Variants in KDM4B observed in about 807,000 individuals in gnomAD.
KDM4B encodes lysine-specific demethylase 4B.
KDM4B carries 32 observed loss-of-function variants against 125.2 expected under a neutral mutation model. That is an observed-to-expected ratio of 0.26 (90% CI 0.19 to 0.34). The LOEUF (loss-of-function observed/expected upper bound fraction) is 0.34. Ranked by LOEUF, KDM4B falls within the 10% of genes least tolerant of loss-of-function variation. The pLI is 1.00. For missense variants in KDM4B, 1,190 were observed against 1,577.7 expected, an observed-to-expected ratio of 0.75 and a Z score of 4.16; for synonymous variants, 721 against 677.9, an observed-to-expected ratio of 1.06 and a Z score of -0.99.
Position 5,090,449 on chromosome 19 carries a change from CCCCT to C in KDM4B, c.918+7947_918+7950del, listed in dbSNP as rs1180344738. On this transcript the variant is annotated intron_variant, in intron 9 of 22. Coordinates refer to ENST00000159111, the MANE Select transcript of KDM4B (RefSeq NM_015015.3). Reference sequence around the variant, plus strand: ...GTCTCTCTCTCCCCCATCTCTCTTCCCCCTCTCTCTCCGCCTCTTTCTCTCCCCC... The same window carrying C: ...GTCTCTCTCTCCCCCATCTCTCTTCCCTCTCTCCGCCTCTTTCTCTCCCCC... 5.7e-4 allele frequency among the ~76,000 whole-genome samples: 35 copies of C among 61,276 alleles called. 1 individual carries two copies. The South Asian group carries it at 0.022, about 39-fold the overall frequency. The allele number at this position is 61,276 out of a possible 152,430, so 40.2% of individuals were successfully genotyped here.
At chr19:5,089,804 A>T (rs191388107) in intron 9 of KDM4B, among the ~76,000 whole-genome samples, 35 of 151,262 alleles carry the variant, frequency 2.3e-4, no homozygotes, top group Admixed American at 5.9e-4. Context: ...TTGAGCAAGC[A>T]CCCCACAGTT....
At chr19:5,002,850 C>G (rs1248166527) in intron 1 of KDM4B, among the ~76,000 whole-genome samples, 1 of 152,048 alleles carries the variant, frequency 6.6e-6, no homozygotes, top group Non-Finnish European at 1.5e-5. Context: ...ACTCAGGAGG[C>G]TGAGGTGGGA....
intron 6 of KDM4B, among the ~76,000 whole-genome samples, chr19:5,069,508 C>A (rs902828351): frequency 1.3e-5 from 2 of 151,820 alleles, no homozygotes; most frequent in African/African-American, 4.8e-5. Flanking sequence ...CGGGGTTTCA[C>A]CATGTTGGTC....
chr19:5,128,396 T>G (rs1320721702), intron 11 of KDM4B, among the ~76,000 whole-genome samples: 1 of 151,626 alleles, frequency 6.6e-6, no homozygotes, highest in Non-Finnish European at 1.5e-5. Context: ...CCCCTGCCCT[T>G]GAAGTTGAAC....
At chr19:5,088,727 A>G (rs909848700) in intron 9 of KDM4B, among the ~76,000 whole-genome samples, 2 of 133,986 alleles carry the variant, frequency 1.5e-5, no homozygotes, top group Admixed American at 8.4e-5. Flanking sequence ...GGAGATTTTG[A>G]CATCCTCAAG....
At chr19:4,985,990 G>A (rs1324612204) in intron 1 of KDM4B, among the ~76,000 whole-genome samples, 2 of 152,186 alleles carry the variant, frequency 1.3e-5, no homozygotes, top group East Asian at 3.8e-4. Context: ...AAGAGAAATC[G>A]GATCTCTTCT....
intron 6 of KDM4B, among the ~76,000 whole-genome samples, chr19:5,066,586 C>T (rs549547932): frequency 6.3e-4 from 96 of 152,364 alleles, no homozygotes; most frequent in South Asian, 4.3e-3. Context: ...TTCTCACCCA[C>T]GCTGCTTTGG....
At chr19:5,129,697 G>C (rs139803797) in intron 11 of KDM4B, among the ~76,000 whole-genome samples, 3 of 152,174 alleles carry the variant, frequency 2.0e-5, no homozygotes, top group Non-Finnish European at 2.9e-5. Context: ...TATCAACCAC[G>C]GTTCCTCCTT....
At chr19:5,123,981 T>G (rs1599233652) in intron 11 of KDM4B, among the ~76,000 whole-genome samples, 1 of 81,454 alleles carries the variant, frequency 1.2e-5, no homozygotes, top group African/African-American at 4.8e-5. Context: ...CCCCACAGGA[T>G]GGGCTGGCAG....
intron 20 of KDM4B, 68 bp from the exon 21 acceptor site, chr19:5,144,715 C>G: frequency 1.3e-6 from 2 of 1,598,224 alleles, no homozygotes. Context: ...CGGAGAGGGT[C>G]TAAAACCCAG....
intron 18 of KDM4B, among the ~76,000 whole-genome samples, chr19:5,139,542 C>G (rs764297290): frequency 2.6e-5 from 4 of 152,240 alleles, no homozygotes; most frequent in East Asian, 1.9e-4. Context: ...ATCCGCACCC[C>G]CCGGGTGCAG....
At chr19:5,031,137 C>G (rs1049377997) in intron 2 of KDM4B, among the ~76,000 whole-genome samples, 60 of 152,226 alleles carry the variant, frequency 3.9e-4, no homozygotes, top group African/African-American at 1.4e-3. Flanking sequence ...ATGGCCACAT[C>G]TGGGTGAGAG....
intron 9 of KDM4B, among the ~76,000 whole-genome samples, chr19:5,084,024 A>G (rs1185425374): frequency 6.6e-6 from 1 of 152,042 alleles, no homozygotes; most frequent in Non-Finnish European, 1.5e-5. Flanking sequence ...AGGTGGGCGG[A>G]TCATTTGAGG....
intron 9 of KDM4B, among the ~76,000 whole-genome samples, chr19:5,092,463 TA>T (rs1278647612): frequency 6.6e-6 from 1 of 152,116 alleles, no homozygotes; most frequent in Non-Finnish European, 1.5e-5. Flanking sequence ...CGCCCTCTAA[TA>T]CCCCCGGTTC....
At chr19:5,079,401 C>T (rs779895228) in intron 8 of KDM4B, among the ~76,000 whole-genome samples, 2 of 152,328 alleles carry the variant, frequency 1.3e-5, no homozygotes, top group Middle Eastern at 3.4e-3. Flanking sequence ...CAGGTTTTCT[C>T]GCAGGAACAT....
intron 6 of KDM4B, among the ~76,000 whole-genome samples, chr19:5,053,653 A>C (rs765485673): frequency 1.3e-5 from 2 of 152,226 alleles, no homozygotes; most frequent in Non-Finnish European, 2.9e-5. Flanking sequence ...TCTAGCCTGC[A>C]TGAGGTTATC....
At chr19:5,070,208 TG>T (rs1599552046) in intron 6 of KDM4B, among the ~76,000 whole-genome samples, 1 of 152,146 alleles carries the variant, frequency 6.6e-6, no homozygotes, top group African/African-American at 2.4e-5. Flanking sequence ...TTGAGGTTTT[TG>T]TTTTGCCGGA....
intron 1 of KDM4B, among the ~76,000 whole-genome samples, chr19:5,015,843 T>C (rs1465692870): frequency 6.6e-6 from 1 of 152,158 alleles, no homozygotes; most frequent in South Asian, 2.1e-4. Context: ...CCTGCCCCCC[T>C]CTCTCCCCGT....
At chr19:5,096,310 C>G (rs1331874469) in intron 9 of KDM4B, among the ~76,000 whole-genome samples, 2 of 152,114 alleles carry the variant, frequency 1.3e-5, no homozygotes, top group Non-Finnish European at 2.9e-5. Context: ...GTCTGGAACT[C>G]CTGACCTCAA....
Sources: allele counts gnomAD v4.1 joint callset (sites outside exome capture counted in the v4.1 genomes callset), GRCh38; gene constraint gnomAD v4.1.1; transcripts MANE v1.5; gene names NCBI Gene and HGNC (gene_info 2026-07-23, HGNC 2026-07-21).